NRG3: variants seen among roughly 807,000 people sequenced by gnomAD.
NRG3 encodes the protein neuregulin 3.
Under a neutral mutation model 66.9 loss-of-function variants are expected in NRG3, and 31 were observed. The observed-to-expected ratio is 0.46, with a 90% confidence interval of 0.35 to 0.63. The LOEUF is 0.63. Among genes scored for constraint, NRG3 ranks in the 20% least tolerant of loss-of-function variants. NRG3 has a pLI of 0.00. For synonymous variants in NRG3, 393 were observed against 359.4 expected, an observed-to-expected ratio of 1.09 and a Z score of -1.06; for missense variants, 910 against 878.9, an observed-to-expected ratio of 1.04 and a Z score of -0.45.
chr10:82,018,929 C>G lies in NRG3; in HGVS notation c.823+142766C>G, dbSNP rs569034858. Among the ~76,000 whole-genome samples the G allele has an allele frequency of 1.4e-3, 208 of 151,810 alleles. 1 individual carries two copies. The highest frequency in any genetic ancestry group is 2.2e-3 in the Non-Finnish European group (151 of 67,948). On this transcript the variant is annotated intron_variant, in intron 1 of 8. Transcript: ENST00000372141. ...TTTCCTAATCGAATACACTTTTTTT[C>G]TTTCTCCTGTCTTATTGCCCTGGCC... is the stretch of plus-strand genomic sequence containing the variant.
At chr10:82,880,247 G>T (rs1842188068) in intron 4 of NRG3, among the ~76,000 whole-genome samples, 1 of 152,044 alleles carries the variant, frequency 6.6e-6, no homozygotes, top group African/African-American at 2.4e-5. Context: ...GGGGAAAACT[G>T]CTCCTGTCTT....
At position 82,938,836 on chromosome 10, in the gene NRG3, T is replaced by A. The variant is rs983190244; in HGVS notation, c.1055-12633T>A. ...AAATGTTATTGTTCCAAGTCACATG[T>A]CTTGCTCCTAGAATGTGACTTTGCC... On this transcript the variant is annotated intron_variant, in intron 4 of 8. Coordinates refer to ENST00000372141, the MANE Select transcript of NRG3 (RefSeq NM_001010848.4). Among the ~76,000 whole-genome samples the A allele has an allele frequency of 3.3e-5, 5 of 152,232 alleles. No homozygotes were observed. The East Asian group carries it at 9.6e-4, about 29-fold the overall frequency.
chr10:82,689,172 A>G (rs1220247203), intron 2 of NRG3, among the ~76,000 whole-genome samples: 1 of 152,176 alleles, frequency 6.6e-6, no homozygotes, highest in Non-Finnish European at 1.5e-5. Context: ...GGTTCACCCT[A>G]ATACTTACAG....
intron 2 of NRG3, among the ~76,000 whole-genome samples, chr10:82,504,366 A>C (rs983484017): frequency 1.3e-5 from 2 of 152,164 alleles, no homozygotes; most frequent in Non-Finnish European, 1.5e-5. Context: ...TTTCCTCAGC[A>C]TAGCATTTTT....
At chr10:82,311,942 G>T (rs1010800218) in intron 1 of NRG3, among the ~76,000 whole-genome samples, 1 of 152,058 alleles carries the variant, frequency 6.6e-6, no homozygotes, top group African/African-American at 2.4e-5. Flanking sequence ...GAACATTCTG[G>T]CTCTATTACT....
chr10:82,377,435 C>T (rs7091836), intron 2 of NRG3, among the ~76,000 whole-genome samples: 45,913 of 132,036 alleles, frequency 0.35, 9,452 homozygotes, highest in African/African-American at 0.61. Flanking sequence ...TGTGTGTGCG[C>T]GTGTGTGTGT....
chr10:82,184,109 A>C (rs1313193373), intron 1 of NRG3, among the ~76,000 whole-genome samples: 1 of 152,120 alleles, frequency 6.6e-6, no homozygotes, highest in Non-Finnish European at 1.5e-5. Context: ...AGTGGTTTTC[A>C]AGGTGTGGTC....
At chr10:82,876,396 C>A (rs1841824193) in intron 4 of NRG3, among the ~76,000 whole-genome samples, 1 of 152,122 alleles carries the variant, frequency 6.6e-6, no homozygotes, top group South Asian at 2.1e-4. Context: ...AGGATCAAGA[C>A]CAGCCATGAG....
At chr10:82,632,265 T>C (rs1038951655) in intron 2 of NRG3, among the ~76,000 whole-genome samples, 1 of 152,198 alleles carries the variant, frequency 6.6e-6, no homozygotes, top group African/African-American at 2.4e-5. Flanking sequence ...CCTTTGGGCA[T>C]ATCGTATACT....
chr10:82,027,836 T>G (rs1306367823), intron 1 of NRG3, among the ~76,000 whole-genome samples: 2 of 152,058 alleles, frequency 1.3e-5, no homozygotes, highest in Non-Finnish European at 2.9e-5. Flanking sequence ...ATTGAGGGAC[T>G]GAAGGTAAAC....
intron 3 of NRG3, among the ~76,000 whole-genome samples, chr10:82,860,149 T>A (rs2064041553): frequency 6.6e-6 from 1 of 152,176 alleles, no homozygotes; most frequent in African/African-American, 2.4e-5. Context: ...GTGAAGAAAT[T>A]TCCCCGGTAA....
chr10:82,604,612 A>G (rs953538383), intron 2 of NRG3, among the ~76,000 whole-genome samples: 4 of 152,152 alleles, frequency 2.6e-5, no homozygotes, highest in African/African-American at 4.8e-5. Context: ...TGAAGCTGCA[A>G]TAATCAAGAC....
At chr10:82,907,097 T>C (rs1002244725) in intron 4 of NRG3, among the ~76,000 whole-genome samples, 2 of 152,176 alleles carry the variant, frequency 1.3e-5, no homozygotes, top group Non-Finnish European at 2.9e-5. Flanking sequence ...GAAGAAAATG[T>C]TCTTTATCCC....
chr10:82,523,011 A>T (rs1444776062), intron 2 of NRG3, among the ~76,000 whole-genome samples: 6 of 152,204 alleles, frequency 3.9e-5, no homozygotes, highest in Non-Finnish European at 8.8e-5. Context: ...ATATAAATAG[A>T]ATCATGAACT....
chr10:81,931,359 G>C (rs1288270926), intron 1 of NRG3, among the ~76,000 whole-genome samples: 1 of 152,100 alleles, frequency 6.6e-6, no homozygotes. Flanking sequence ...TGTCTTCCAG[G>C]AACCAGGTTC....
intron 3 of NRG3, among the ~76,000 whole-genome samples, chr10:82,842,053 C>A (rs1219356558): frequency 6.6e-6 from 1 of 152,102 alleles, no homozygotes; most frequent in Non-Finnish European, 1.5e-5. Context: ...GAGTTTGAGA[C>A]CAGCCTGGTC....
chr10:82,674,744 G>A (rs535350371), intron 2 of NRG3, among the ~76,000 whole-genome samples: 56 of 151,932 alleles, frequency 3.7e-4, no homozygotes, highest in Middle Eastern at 6.8e-3. Flanking sequence ...ATGAAGTCCC[G>A]TTTTGTTCCC....
chr10:82,970,854 T>G (rs1851658748), intron 6 of NRG3, among the ~76,000 whole-genome samples: 1 of 152,194 alleles, frequency 6.6e-6, no homozygotes, highest in Non-Finnish European at 1.5e-5. Context: ...ATTTCCATTA[T>G]CCAAAGAGTT....
At chr10:82,239,697 C>G (rs142355992) in intron 1 of NRG3, among the ~76,000 whole-genome samples, 1 of 152,004 alleles carries the variant, frequency 6.6e-6, no homozygotes, top group Non-Finnish European at 1.5e-5. Flanking sequence ...AAAAGTTCTT[C>G]ACTTCCTCCA....
Sources: allele counts gnomAD v4.1 joint callset (sites outside exome capture counted in the v4.1 genomes callset), GRCh38; gene constraint gnomAD v4.1.1; transcripts MANE v1.5; gene names NCBI Gene and HGNC (gene_info 2026-07-23, HGNC 2026-07-21).